The following MYO15A variants were observed in gnomAD, a reference collection of about 807,000 sequenced individuals.
MYO15A encodes myosin XVA.
Under a neutral mutation model 394.6 loss-of-function variants are expected in MYO15A, and 308 were observed. That is an observed-to-expected ratio of 0.78 (90% CI 0.71 to 0.86). The LOEUF is 0.86. Ranked by LOEUF, MYO15A falls within the 40% of genes least tolerant of loss-of-function variation. The pLI is 0.00. For synonymous variants in MYO15A, 1,957 were observed against 2,003.8 expected, an observed-to-expected ratio of 0.98 and a Z score of 0.62; for missense variants, 4,606 against 4,799.1, an observed-to-expected ratio of 0.96 and a Z score of 1.19.
chr17:18,136,706 T>C lies in MYO15A; in HGVS notation c.4779+20T>C, dbSNP rs1472347980. 1.3e-6 allele frequency: 2 copies of C among 1,580,948 alleles called. No individual in the cohort carries two copies. Among genetic ancestry groups the C allele is most frequent in the Admixed American group, 1.8e-5 (1 of 55,926 alleles). On this transcript the variant is annotated intron_variant, in intron 15 of 65. Coordinates refer to ENST00000647165, the MANE Select transcript of MYO15A (RefSeq NM_016239.4). ...TTCGAGGTGGGGCCGTGTAGGAGGC[T>C]GAGGGGCGGGGGACATAGGCAAGGT...
chr17:18,118,441 C>A, intron 1 of MYO15A, 141 bp from the exon 2 acceptor site: 1 of 316,296 alleles, frequency 3.2e-6, no homozygotes, highest in Non-Finnish European at 6.0e-6. Flanking sequence ...CCAGCTGTGG[C>A]CCAGGGAGGG....
At position 18,118,839 on chromosome 17, in the gene MYO15A, A is replaced by AGGGAAGAAG. The variant is rs1848228865; in HGVS notation, c.50_58dup (p.Gly17_Lys19dup). On this transcript the variant is annotated inframe_insertion, in exon 2 of 66. Transcript: ENST00000647165. Reference sequence around the variant, plus strand: ...AAGATGAGGAGAAGAAAGCCAAGAAAGGGAAGAAGGGGAAGAAGGCACCGG... The same window carrying AGGGAAGAAG: ...AAGATGAGGAGAAGAAAGCCAAGAAAGGGAAGAAGGGGAAGAAGGGGAAGAAGGCACCGG... The AGGGAAGAAG allele has an allele frequency of 6.2e-7, 1 of 1,611,312 alleles. No individual in the cohort carries two copies.
intron 43 of MYO15A, 117 bp from the exon 44 acceptor site, chr17:18,154,014 G>T: frequency 6.2e-7 from 1 of 1,604,200 alleles, no homozygotes; most frequent in Non-Finnish European, 8.5e-7. Flanking sequence ...AAAAGGCCGG[G>T]CTGAAACCAG....
chr17:18,154,350 G>A (rs551506558), intron 44 of MYO15A, among the ~76,000 whole-genome samples, 160 bp downstream of exon 44: 56 of 152,304 alleles, frequency 3.7e-4, no homozygotes, highest in Admixed American at 1.5e-3. Flanking sequence ...CCTCCCATGG[G>A]CAGGGTCAGT....
In MYO15A at chr17:18,120,163, G is replaced by T; in HGVS notation, c.1363G>T (p.Ala455Ser). Residue 455 changes from alanine to serine, a missense_variant, in exon 2 of 66, where the codon GCC becomes TCC. Transcript: ENST00000647165. ...GGGGACCTCCTTCCGCCTGCCCAGC[G>T]CCGCCTTCTTCGAGCAGCAAGGCAT... is the stretch of plus-strand genomic sequence containing the variant. The part of the protein sequence containing the change: ...RQGTSFRLPS[A>S]AFFEQQGMDK... The T allele has an allele frequency of 6.2e-7, 1 of 1,612,888 alleles. No individual in the cohort carries two copies. The highest frequency in any genetic ancestry group is 8.5e-7 in the Non-Finnish European group (1 of 1,179,992).
At chr17:18,126,267 C>A in intron 4 of MYO15A, 80 bp from the exon 5 acceptor site, 1 of 1,199,780 alleles carries the variant, frequency 8.3e-7, no homozygotes, top group Non-Finnish European at 1.2e-6. Context: ...AAACAGGGAG[C>A]CAGGCTCCCA....
At position 18,151,870 on chromosome 17, in the gene MYO15A, G is replaced by T; in HGVS notation, c.7812G>T (p.Met2604Ile). Residue 2604 changes from methionine (M) to isoleucine (I), a missense_variant, in exon 41 of 66, where the codon ATG (methionine) becomes ATT (isoleucine). By Grantham distance (10) the Met-to-Ile change is conservative. Around this residue, in one of 2 missense-constraint regions of MYO15A, gnomAD observed 2,776 missense variants for 3,109.3 expected, o/e 0.89. Coordinates refer to ENST00000647165, the MANE Select transcript of MYO15A (RefSeq NM_016239.4). ...ALRKDGGKVFMKRPDPHEEAL... is the reference protein window; with the variant it reads ...ALRKDGGKVFIKRPDPHEEAL... ...GGAAGGATGGCGGGAAAGTGTTCAT[G>T]AAGCGGCCAGACCCTCATGAGGAGG... 6.3e-7 allele frequency: 1 copy of T among 1,578,078 alleles called. No individual in the cohort carries two copies. The highest frequency in any genetic ancestry group is 2.3e-5 in the East Asian group (1 of 43,776).
chr17:18,153,972 T>C lies in MYO15A; in HGVS notation c.8088+76T>C. On this transcript the variant is annotated intron_variant, in intron 43 of 65. Coordinates refer to ENST00000647165, the MANE Select transcript of MYO15A (RefSeq NM_016239.4). This position sits in a 1 kb window ranked among gnomAD's most constrained non-coding sequence, Gnocchi z 4.1. The stretch of plus-strand genomic sequence containing the variant: ...GGGCTGAAGCGAGCAGAGGAGGGTC[T>C]AGGACTTGGGGAGGGAGCCCAGGAG... The C allele has an allele frequency of 6.2e-7, 1 of 1,609,350 alleles. No homozygotes were observed. The highest frequency in any genetic ancestry group is 8.5e-7 in the Non-Finnish European group (1 of 1,177,508).
In MYO15A at chr17:18,163,804, C is replaced by T. The variant is rs1288479346; in HGVS notation, c.9753C>T (p.Phe3251=). ...AEMALTRPEA[F]NEYVIFVVTN... ...TGGCTCTGACACGCCCTGAGGCCTT[C>T]AATGAATATGTTATCTTCGTTGTCA... The change falls in exon 60 of 66, where the codon TTC becomes TTT. Residue 3251 remains phenylalanine, a synonymous_variant. Coordinates refer to ENST00000647165, the MANE Select transcript of MYO15A (RefSeq NM_016239.4). 1 of 1,614,046 alleles carries T rather than the reference C, an allele frequency of 6.2e-7. No homozygotes were observed. Among genetic ancestry groups the T allele is most frequent in the South Asian group, 1.1e-5 (1 of 91,042 alleles).
At chr17:18,138,463 A>G (rs1202370619) in intron 17 of MYO15A, among the ~76,000 whole-genome samples, 1 of 152,262 alleles carries the variant, frequency 6.6e-6, no homozygotes, top group Non-Finnish European at 1.5e-5. Context: ...GGAAAGCCAC[A>G]GAAGGTTTCC....
chr17:18,111,341 G>GAAA (rs57095827), intron 1 of MYO15A, among the ~76,000 whole-genome samples: 15 of 118,986 alleles, frequency 1.3e-4, no homozygotes, highest in African/African-American at 1.8e-4. Flanking sequence ...TCTCAAAAGA[G>GAAA]AAAAAAAAAA....
chr17:18,133,247 G>A lies in MYO15A; in HGVS notation c.4343G>A (p.Gly1448Glu). 6 of 1,614,164 alleles carry A rather than the reference G, an allele frequency of 3.7e-6. No individual in the cohort carries two copies. The highest frequency in any genetic ancestry group is 3.4e-6 in the Non-Finnish European group (4 of 1,180,020). ...LNQGGNCEIA[G>E]KSDADDFRRL... is the part of the protein sequence containing the mutation. ...CAGGGTGGGAACTGTGAGATAGCAG[G>A]AAAGAGCGATGCAGATGACTTTCGC... Residue 1448 changes from glycine (G) to glutamate (E), a missense_variant, in exon 12 of 66, where the codon GGA becomes GAA. Gly to Glu is a moderately conservative substitution (Grantham distance 98). Around this residue, in one of 2 missense-constraint regions of MYO15A, gnomAD observed 2,776 missense variants for 3,109.3 expected, o/e 0.89. Coordinates refer to ENST00000647165, the MANE Select transcript of MYO15A (RefSeq NM_016239.4).
At position 18,122,170 on chromosome 17, in the gene MYO15A, C is replaced by G; in HGVS notation, c.3370C>G (p.Leu1124Val). 2 of 1,613,128 alleles carry G rather than the reference C, an allele frequency of 1.2e-6. No individual in the cohort carries two copies. The highest frequency in any genetic ancestry group is 1.7e-6 in the Non-Finnish European group (2 of 1,180,020). ...FAVVMPRVQK[L>V]SSFQRVGPAT... Reference sequence around the variant, plus strand: ...TGTGGTCATGCCTCGTGTGCAGAAGCTGAGCTCTTTCCAGCGAGTTGGGCC... The same window carrying G: ...TGTGGTCATGCCTCGTGTGCAGAAGGTGAGCTCTTTCCAGCGAGTTGGGCC... The change falls in exon 2 of 66, where the codon CTG becomes GTG. Residue 1124 changes from leucine to valine, a missense_variant. By Grantham distance (32) the Leu-to-Val change is conservative. This residue lies in a region of MYO15A where 1,830 missense variants were observed against 1,689.7 expected (regional missense o/e 1.08). Transcript: ENST00000647165.
chr17:18,149,652 C>G (rs2046544425), intron 35 of MYO15A, 72 bp downstream of exon 35: 1 of 1,482,732 alleles, frequency 6.7e-7, no homozygotes, highest in Non-Finnish European at 9.4e-7. Context: ...CACACTTGTA[C>G]AGGGTGACCT....
intron 16 of MYO15A, 188 bp downstream of exon 16, chr17:18,137,867 G>A: frequency 1.2e-6 from 1 of 860,746 alleles, no homozygotes; most frequent in East Asian, 2.6e-5. Context: ...GTGCTGAGGT[G>A]CTGTGCTCAG....
Position 18,171,682 on chromosome 17 carries a change from C to T in MYO15A, c.10127C>T (p.Thr3376Met), listed in dbSNP as rs748960981. ...ATCCCAGCCCAGCTCTACCGTACAA[C>T]GGCAGGCTCGACCTGGCTCAACCTG... is the stretch of plus-strand genomic sequence containing the variant. ...EYIPAQLYRT[T>M]AGSTWLNLVS... The change falls in exon 63 of 66, where the codon ACG becomes ATG. Residue 3376 changes from threonine (T) to methionine (M), a missense_variant. By Grantham distance (81) the Thr-to-Met change is moderately conservative. This residue lies in a region of MYO15A where 2,776 missense variants were observed against 3,109.3 expected (regional missense o/e 0.89). Transcript: ENST00000647165. 1.6e-5 allele frequency: 26 copies of T among 1,613,330 alleles called. No individual in the cohort carries two copies. Among genetic ancestry groups the T allele is most frequent in the African/African-American group, 4.0e-5 (3 of 74,922 alleles).
Position 18,156,310 on chromosome 17 carries a change from G to A in MYO15A, c.8575G>A (p.Asp2859Asn), listed in dbSNP as rs1277564708. The A allele has an allele frequency of 6.2e-7, 1 of 1,614,084 alleles. No individual in the cohort carries two copies. The highest frequency in any genetic ancestry group is 1.3e-5 in the African/African-American group (1 of 74,938). ...AGCGCACCAGGTCAAGACCCTGGTA[G>A]ATGACTTCATCTTGGAGCTGAAGAA... ...ARAHQVKTLV[D>N]DFILELKKDS... Residue 2859 changes from aspartate to asparagine, a missense_variant, in exon 48 of 66, where the codon GAT becomes AAT. Asp to Asn is a conservative substitution (Grantham distance 23). Transcript: ENST00000647165.
chr17:18,169,482 G>A (rs1300241493), intron 62 of MYO15A: 1 of 144,754 alleles, frequency 6.9e-6, no homozygotes, highest in Non-Finnish European at 1.5e-5. Context: ...ATAATAACAG[G>A]ACCTCGTGGC....
rs181216683 is a variant in MYO15A at position 18,142,637 on chromosome 17, C to T, written c.5826-119C>T. On this transcript the variant is annotated intron_variant, in intron 24 of 65. Transcript: ENST00000647165. The stretch of plus-strand genomic sequence containing the variant: ...TCCAGTTTCCCTTTGAGCCAAAGGA[C>T]CCCAAAAGTGAGATGTGGGCACTGG... 596 of 854,480 alleles carry T rather than the reference C, an allele frequency of 7.0e-4. 2 individuals carry two copies. The African/African-American group carries it at 8.6e-3, about 12-fold the overall frequency. 52.9% of individuals were successfully genotyped at this position (854,480 alleles called of 1,614,324 possible).
Sources: allele counts gnomAD v4.1 joint callset (sites outside exome capture counted in the v4.1 genomes callset), GRCh38; gene constraint gnomAD v4.1.1; regional missense constraint gnomAD v4.1.1; non-coding constraint Gnocchi (gnomAD v3.1); transcripts MANE v1.5; gene names NCBI Gene and HGNC (gene_info 2026-07-23, HGNC 2026-07-21).